Variants in FOXP1 observed in about 807,000 individuals in gnomAD.
The protein encoded by FOXP1 is forkhead box protein P1.
In FOXP1, 15 loss-of-function variants were observed where a neutral mutation model predicts 98.2. That is an observed-to-expected ratio of 0.15 (90% CI 0.10 to 0.24). The LOEUF (loss-of-function observed/expected upper bound fraction) is 0.24. Ranked by LOEUF, FOXP1 falls within the 10% of genes least tolerant of loss-of-function variation. The pLI, the probability that FOXP1 is intolerant of heterozygous loss-of-function variation, is 1.00. For missense variants in FOXP1, 633 were observed against 848.5 expected, an observed-to-expected ratio of 0.75 and a Z score of 3.15; for synonymous variants, 371 against 314.5, an observed-to-expected ratio of 1.18 and a Z score of -1.90.
At chr3:71,190,410 A>G (rs1269046423) in intron 6 of FOXP1, among the ~76,000 whole-genome samples, 1 of 151,908 alleles carries the variant, frequency 6.6e-6, no homozygotes, top group Non-Finnish European at 1.5e-5. Context: ...CAGGAGTTCA[A>G]GACCAGCCTA....
intron 3 of FOXP1, among the ~76,000 whole-genome samples, chr3:71,390,227 G>C (rs1354886861): frequency 6.6e-6 from 1 of 152,144 alleles, no homozygotes; most frequent in East Asian, 1.9e-4. Flanking sequence ...GTCAGGACCT[G>C]CTGTAACTCA....
intron 3 of FOXP1, among the ~76,000 whole-genome samples, chr3:71,486,204 C>G (rs2090635510): frequency 6.6e-6 from 1 of 152,080 alleles, no homozygotes; most frequent in Admixed American, 6.5e-5. Flanking sequence ...AACATTAAAA[C>G]CAGAATAATA....
intron 15 of FOXP1, 39 bp from the exon 16 acceptor site, chr3:70,977,761 C>G (rs1411423634): frequency 6.2e-7 from 1 of 1,612,118 alleles, no homozygotes; most frequent in Non-Finnish European, 8.5e-7. Context: ...ATCACTTTTT[C>G]AAAAGGGGCT....
At chr3:71,088,400 G>GTTTTGTTTT (rs1683973180) in intron 7 of FOXP1, among the ~76,000 whole-genome samples, 2 of 140,920 alleles carry the variant, frequency 1.4e-5, no homozygotes, top group Admixed American at 7.1e-5. Context: ...TTTGTTTTTT[G>GTTTTGTTTT]TTTTTTTTTT....
intron 3 of FOXP1, among the ~76,000 whole-genome samples, chr3:71,372,527 G>C (rs1052248470): frequency 1.3e-5 from 2 of 152,118 alleles, no homozygotes; most frequent in Non-Finnish European, 2.9e-5. Context: ...TTCTCCTGGT[G>C]GAGCTGTCAT....
At chr3:71,099,146 G>A (rs1311958011) in intron 7 of FOXP1, among the ~76,000 whole-genome samples, 4 of 152,170 alleles carry the variant, frequency 2.6e-5, no homozygotes, top group African/African-American at 9.6e-5. Context: ...GCTAAAACAC[G>A]CATTTGAAAA....
At chr3:71,066,085 T>A (rs1257948911) in intron 7 of FOXP1, among the ~76,000 whole-genome samples, 1 of 103,978 alleles carries the variant, frequency 9.6e-6, no homozygotes, top group Non-Finnish European at 2.0e-5. Context: ...AATGCCTATT[T>A]GCCTTCAAAA....
At chr3:71,480,122 G>GGAGGCAGA (rs1347708602) in intron 3 of FOXP1, among the ~76,000 whole-genome samples, 18 of 152,188 alleles carry the variant, frequency 1.2e-4, no homozygotes, top group Admixed American at 3.3e-4. Flanking sequence ...GTTGACCCCG[G>GGAGGCAGA]GAGGCAGAGT....
chr3:71,237,304 C>T (rs1380719412), intron 5 of FOXP1, among the ~76,000 whole-genome samples: 1 of 126,870 alleles, frequency 7.9e-6, no homozygotes, highest in Non-Finnish European at 1.6e-5. Flanking sequence ...GTTTTAATTT[C>T]AACATGCAAC....
intron 3 of FOXP1, among the ~76,000 whole-genome samples, chr3:71,366,213 C>A (rs1478287646): frequency 6.6e-6 from 1 of 151,936 alleles, no homozygotes; most frequent in Non-Finnish European, 1.5e-5. Context: ...ATCTCAGTTC[C>A]CCATTAATGT....
chr3:71,098,764 G>A (rs1228354433), intron 7 of FOXP1, among the ~76,000 whole-genome samples: 1 of 152,174 alleles, frequency 6.6e-6, no homozygotes, highest in African/African-American at 2.4e-5. Context: ...CTTTGCTGGT[G>A]AGACTACCTA....
At chr3:70,970,832 A>T (rs1271809302) in intron 18 of FOXP1, 27 bp from the exon 19 acceptor site, 8 of 1,565,818 alleles carry the variant, frequency 5.1e-6, no homozygotes, top group Non-Finnish European at 7.0e-6. Flanking sequence ...TAAAAACTCA[A>T]AGTTAAACAC....
chr3:71,118,342 T>A (rs1233652039), intron 6 of FOXP1, among the ~76,000 whole-genome samples: 1 of 152,230 alleles, frequency 6.6e-6, no homozygotes, highest in Non-Finnish European at 1.5e-5. Context: ...TCTGAGCTAT[T>A]TACATTCTAA....
chr3:71,022,250 T>C (rs1373580978), intron 11 of FOXP1, among the ~76,000 whole-genome samples: 1 of 152,214 alleles, frequency 6.6e-6, no homozygotes, highest in Non-Finnish European at 1.5e-5. Context: ...CCATTACTTT[T>C]GTCAAAATGA....
At chr3:71,238,749 G>C (rs1264511133) in intron 5 of FOXP1, among the ~76,000 whole-genome samples, 1 of 152,190 alleles carries the variant, frequency 6.6e-6, no homozygotes, top group South Asian at 2.1e-4. Context: ...TCGGGGCTGA[G>C]GTGGCTTCCC....
At chr3:71,429,484 G>A (rs1448751115) in intron 3 of FOXP1, among the ~76,000 whole-genome samples, 3 of 133,546 alleles carry the variant, frequency 2.2e-5, no homozygotes, top group Non-Finnish European at 4.8e-5. Context: ...ACTTGGGGGT[G>A]GGGGGGCGGG....
chr3:71,180,739 C>T (rs897856271), intron 6 of FOXP1, among the ~76,000 whole-genome samples: 1 of 152,088 alleles, frequency 6.6e-6, no homozygotes, highest in Admixed American at 6.5e-5. Context: ...CTAAATGACC[C>T]GTGGCAAATT....
intron 5 of FOXP1, among the ~76,000 whole-genome samples, chr3:71,299,043 G>A (rs761831985): frequency 2.2e-4 from 33 of 152,094 alleles, no homozygotes; most frequent in Non-Finnish European, 3.5e-4. Context: ...ATGTTAAAAC[G>A]ACCGGCAGGA....
intron 2 of FOXP1, among the ~76,000 whole-genome samples, chr3:71,529,054 T>C (rs566359529): frequency 1.3e-5 from 2 of 152,298 alleles, no homozygotes; most frequent in African/African-American, 4.8e-5. Flanking sequence ...TAGAATTCAA[T>C]ACAGGAGGCT....
Sources: gnomAD v4.1 joint callset for allele counts (sites outside exome capture counted in the v4.1 genomes callset) on GRCh38, gnomAD v4.1.1 for gene constraint, MANE v1.5 for transcripts, NCBI Gene and HGNC (gene_info 2026-07-23, HGNC 2026-07-21) for gene names.